Variants in NIBAN1 observed in about 807,000 individuals in gnomAD.
NIBAN1 encodes protein Niban 1.
NIBAN1 carries 81 observed loss-of-function variants against 75.1 expected under a neutral mutation model. The ratio of observed to expected loss-of-function variants is 1.08; its 90% CI spans 0.90 to 1.30. The LOEUF (loss-of-function observed/expected upper bound fraction) is 1.30, where lower values mean the gene tolerates loss of function less well. Ranked by LOEUF, NIBAN1 falls within the 50% of genes most tolerant of loss-of-function variation. NIBAN1 has a pLI of 0.00. For missense variants in NIBAN1, 1,133 were observed against 1,128.1 expected, an observed-to-expected ratio of 1.00 and a Z score of -0.06; for synonymous variants, 436 against 424.8, an observed-to-expected ratio of 1.03 and a Z score of -0.32.
intron 1 of NIBAN1, among the ~76,000 whole-genome samples, chr1:184,922,966 C>A (rs1039594682): frequency 1.3e-5 from 2 of 152,144 alleles, no homozygotes; most frequent in African/African-American, 4.8e-5. Context: ...TGGTTATCAG[C>A]CCCTGTCAGA....
intron 5 of NIBAN1, among the ~76,000 whole-genome samples, chr1:184,832,807 A>C (rs776975918): frequency 6.6e-6 from 1 of 152,278 alleles, no homozygotes; most frequent in Admixed American, 6.5e-5. Flanking sequence ...GTATAGAGGG[A>C]GCTGGGCTGA....
rs143488738 is a variant in NIBAN1 at position 184,795,484 on chromosome 1, G to A, written c.2280C>T (p.Pro760=). Residue 760 remains proline (P), a synonymous_variant, in exon 14 of 14, where the codon CCC becomes CCT. Transcript: ENST00000367511. ...TGACTTCACTTTCTTCACAGTTGTCGGGGTGGATGGCAGCTGCCTGACTGG... is the reference window on the plus strand; with the variant it reads ...TGACTTCACTTTCTTCACAGTTGTCAGGGTGGATGGCAGCTGCCTGACTGG... ...KEPSQAAAIH[P]DNCEESEVSE... is the part of the protein sequence containing the mutation. The A allele has an allele frequency of 9.4e-5, 152 of 1,612,818 alleles. No homozygotes were observed. The highest frequency in any genetic ancestry group is 2.0e-4 in the South Asian group (18 of 90,954).
intron 6 of NIBAN1, 67 bp from the exon 7 acceptor site, chr1:184,823,809 TAAAAA>T: frequency 7.3e-7 from 1 of 1,368,252 alleles, no homozygotes. Context: ...TCAGGCCAAC[TAAAAA>T]TGTCCTGATT....
At position 184,859,639 on chromosome 1, in the gene NIBAN1, T is replaced by C. The variant is rs533810619; in HGVS notation, c.601+24994A>G. 2.5e-4 allele frequency among the ~76,000 whole-genome samples: 38 copies of C among 152,298 alleles called. 1 individual carries two copies. The highest frequency in any genetic ancestry group is 8.9e-4 in the African/African-American group (37 of 41,568). ...TACCTGATTTCTGTTGTAAGAGTTC[T>C]GATTTTTTTTTTCTTGACCAGGTAA... On this transcript the variant is annotated intron_variant, in intron 5 of 13. Transcript: ENST00000367511.
rs550283746 is a variant in NIBAN1, at chr1:184,831,829, T to A, written c.717+18A>T. ...ACCCAAACACAGAGAGAATCCAAAA[T>A]TTTGAACCCCATATTACCTGGATTT... On this transcript the variant is annotated intron_variant, in intron 6 of 13. Transcript: ENST00000367511. The A allele has an allele frequency of 6.3e-7, 1 of 1,591,436 alleles. No individual in the cohort carries two copies. The highest frequency in any genetic ancestry group is 1.1e-5 in the South Asian group (1 of 90,166).
chr1:184,796,157 C>T, intron 13 of NIBAN1, 60 bp from the exon 14 acceptor site: 1 of 1,472,780 alleles, frequency 6.8e-7, no homozygotes, highest in Non-Finnish European at 9.0e-7. Flanking sequence ...CCAAAGTCCC[C>T]TTTCAGCCTC....
intron 1 of NIBAN1, among the ~76,000 whole-genome samples, chr1:184,910,097 G>A (rs1436509779): frequency 6.6e-6 from 1 of 152,066 alleles, no homozygotes. Context: ...TAATAAATGT[G>A]CTGGAATCTC....
At chr1:184,929,500 T>C (rs1657768458) in intron 1 of NIBAN1, among the ~76,000 whole-genome samples, 1 of 152,180 alleles carries the variant, frequency 6.6e-6, no homozygotes, top group Non-Finnish European at 1.5e-5. Flanking sequence ...TAAGTCTAGT[T>C]TTTTCTAAAG....
intron 10 of NIBAN1, 59 bp from the exon 11 acceptor site, chr1:184,806,115 C>G: frequency 1.4e-6 from 2 of 1,421,218 alleles, no homozygotes; most frequent in Non-Finnish European, 2.0e-6. Flanking sequence ...TCACCACCCA[C>G]AGGCCTGGCT....
At chr1:184,968,404 T>C (rs1295881899) in intron 1 of NIBAN1, among the ~76,000 whole-genome samples, 1 of 152,222 alleles carries the variant, frequency 6.6e-6, no homozygotes, top group Non-Finnish European at 1.5e-5. Context: ...AAACTCCTGC[T>C]AGCTTCCTTG....
chr1:184,887,070 G>A (rs569194), intron 4 of NIBAN1, among the ~76,000 whole-genome samples: 54,931 of 151,594 alleles, frequency 0.36, 10,920 homozygotes, highest in South Asian at 0.5. Flanking sequence ...GCAGTGAGCC[G>A]AGATCATGCC....
At chr1:184,893,421 C>T (rs562246459) in intron 3 of NIBAN1, among the ~76,000 whole-genome samples, 1 of 152,268 alleles carries the variant, frequency 6.6e-6, no homozygotes, top group African/African-American at 2.4e-5. Context: ...AACTAAAGTC[C>T]TCCCAGGGGC....
chr1:184,899,949 TG>T (rs1227834685), intron 1 of NIBAN1, among the ~76,000 whole-genome samples: 2 of 151,924 alleles, frequency 1.3e-5, no homozygotes, highest in Non-Finnish European at 2.9e-5. Context: ...CCTGAGTAGC[TG>T]GGATTACATG....
intron 1 of NIBAN1, among the ~76,000 whole-genome samples, chr1:184,945,899 A>C (rs961874780): frequency 6.6e-5 from 10 of 151,990 alleles, no homozygotes; most frequent in African/African-American, 2.4e-4. Flanking sequence ...GACTATGGAC[A>C]ATTTTGTCTG....
At chr1:184,921,397 T>C (rs1393910658) in intron 1 of NIBAN1, among the ~76,000 whole-genome samples, 6 of 151,958 alleles carry the variant, frequency 3.9e-5, no homozygotes, top group Admixed American at 6.6e-5. Flanking sequence ...GAGACAGCGA[T>C]CACAAAAAAG....
At chr1:184,817,300 C>T (rs1176117515) in intron 9 of NIBAN1, among the ~76,000 whole-genome samples, 1 of 152,166 alleles carries the variant, frequency 6.6e-6, no homozygotes, top group East Asian at 1.9e-4. Flanking sequence ...GGTTCCAAGT[C>T]TTTGCTATTG....
intron 5 of NIBAN1, among the ~76,000 whole-genome samples, chr1:184,840,156 A>G (rs1363418675): frequency 6.6e-6 from 1 of 152,250 alleles, no homozygotes; most frequent in Non-Finnish European, 1.5e-5. Context: ...ATTTTAAAAC[A>G]CATTTATACA....
intron 5 of NIBAN1, among the ~76,000 whole-genome samples, chr1:184,877,286 C>T (rs1656258135): frequency 6.7e-6 from 1 of 149,398 alleles, no homozygotes; most frequent in Middle Eastern, 3.2e-3. Flanking sequence ...TAAAAACACA[C>T]AAAATGATTA....
intron 1 of NIBAN1, among the ~76,000 whole-genome samples, chr1:184,933,743 C>G (rs1013294374): frequency 1.3e-5 from 2 of 152,246 alleles, no homozygotes; most frequent in Non-Finnish European, 2.9e-5. Flanking sequence ...CTTACTTTCT[C>G]TATTACAATG....
Sources: gnomAD v4.1 joint callset for allele counts (sites outside exome capture counted in the v4.1 genomes callset) on GRCh38, gnomAD v4.1.1 for gene constraint, MANE v1.5 for transcripts, NCBI Gene and HGNC (gene_info 2026-07-23, HGNC 2026-07-21) for gene names.